The following TENM2 variants were observed in gnomAD, a reference collection of about 807,000 sequenced individuals.
TENM2 encodes the protein teneurin transmembrane protein 2, also known as teneurin-2.
A neutral mutation model predicts 245.2 loss-of-function variants in TENM2; 52 were observed. The observed-to-expected ratio is 0.21, with a 90% CI of 0.17 to 0.27. The LOEUF (loss-of-function observed/expected upper bound fraction) is 0.27, where lower values mean the gene tolerates loss of function less well. Ranked by LOEUF, TENM2 falls within the 10% of genes least tolerant of loss-of-function variation. The probability of loss-of-function intolerance (pLI) is 1.00; values close to 1 mark genes in which losing one functional copy is unlikely to be tolerated. For synonymous variants in TENM2, 1,363 were observed against 1,438.9 expected (o/e 0.95, Z 1.19); for missense variants, 3,046 against 3,666.8 (o/e 0.83, Z 4.37).
chr5:168,115,599 T>C (rs1795025016), intron 9 of TENM2, among the ~76,000 whole-genome samples: 1 of 152,096 alleles, frequency 6.6e-6, no homozygotes, highest in Non-Finnish European at 1.5e-5. Context: ...GCCCATCCAA[T>C]CTATAACCCT....
chr5:166,982,173 T>C, the TENM2 span, among the ~76,000 whole-genome samples: 1 of 152,104 alleles, frequency 6.6e-6, no homozygotes, highest in Non-Finnish European at 1.5e-5. Flanking sequence ...AGAAGGTAAC[T>C]TGGGGTGATG....
chr5:167,562,884 G>A (rs1032331535), intron 2 of TENM2, among the ~76,000 whole-genome samples: 6 of 151,284 alleles, frequency 4.0e-5, no homozygotes, highest in Admixed American at 1.3e-4. Flanking sequence ...TTGAACCTGG[G>A]AGGCGGAGGT....
intron 3 of TENM2, among the ~76,000 whole-genome samples, chr5:167,907,645 A>G (rs1776217626): frequency 1.4e-5 from 2 of 148,110 alleles, no homozygotes; most frequent in African/African-American, 2.5e-5. Flanking sequence ...TCTCATGCCT[A>G]TAGTCCCAAC....
chr5:167,445,280 C>G (rs1765092857), intron 2 of TENM2, among the ~76,000 whole-genome samples: 1 of 144,382 alleles, frequency 6.9e-6, no homozygotes, highest in Non-Finnish European at 1.5e-5. Context: ...AAGATACTTA[C>G]TATATGTCAG....
intron 2 of TENM2, among the ~76,000 whole-genome samples, chr5:167,831,216 CT>C (rs1250177470): frequency 2.0e-5 from 3 of 152,076 alleles, no homozygotes. Flanking sequence ...TGTATACATT[CT>C]TGTGGATGCA....
At chr5:167,709,351 T>C (rs1758751478) in intron 2 of TENM2, among the ~76,000 whole-genome samples, 1 of 152,254 alleles carries the variant, frequency 6.6e-6, no homozygotes, top group Non-Finnish European at 1.5e-5. Flanking sequence ...TTTTTGTATC[T>C]ATCTTATTTG....
chr5:167,777,950 T>C (rs1763926763), intron 2 of TENM2, among the ~76,000 whole-genome samples: 1 of 152,232 alleles, frequency 6.6e-6, no homozygotes, highest in Non-Finnish European at 1.5e-5. Flanking sequence ...CCTGTTTTTG[T>C]AAATAATGTT....
At chr5:167,923,274 G>A (rs1380556628) in intron 3 of TENM2, among the ~76,000 whole-genome samples, 4 of 151,432 alleles carry the variant, frequency 2.6e-5, no homozygotes, top group East Asian at 1.9e-4. Context: ...AGCTGAGATC[G>A]CACCACTGCA....
In TENM2 at chr5:168,218,129, G is replaced by A. The variant is rs78965008; in HGVS notation, c.4238G>A (p.Arg1413His). ...CTGATACCACGTCATCCACAGGTTCGTCTGGAGTGGCCAACAGACCTTGCT... is the reference window on the plus strand; with the variant it reads ...CTGATACCACGTCATCCACAGGTTCATCTGGAGTGGCCAACAGACCTTGCT... The change falls in exon 23 of 29, where the codon CGT becomes CAT. Residue 1413 changes from arginine (R) to histidine (H), a missense_variant. By Grantham distance (29) the Arg-to-His change is conservative. Transcript: ENST00000518659. The surrounding 1 kb of genome is among the most constrained non-coding windows in gnomAD (Gnocchi z 5.2). The A allele has an allele frequency of 8.5e-5, 137 of 1,610,994 alleles. No individual in the cohort carries two copies. The highest frequency in any genetic ancestry group is 3.4e-4 in the South Asian group (31 of 90,962).
intron 1 of TENM2, chr5:167,287,816 C>T (rs1024981260): frequency 2.6e-5 from 4 of 152,256 alleles, no homozygotes; most frequent in African/African-American, 7.2e-5. Flanking sequence ...TATGCTGGAT[C>T]CTCCTGGTGT....
the TENM2 span, among the ~76,000 whole-genome samples, chr5:167,009,300 T>C: frequency 9.2e-5 from 14 of 152,316 alleles, no homozygotes; most frequent in Admixed American, 3.9e-4. Flanking sequence ...CATAGAAGCA[T>C]TCTTTCTTAC....
chr5:167,889,177 A>T (rs1257378431), intron 3 of TENM2, among the ~76,000 whole-genome samples: 1 of 152,170 alleles, frequency 6.6e-6, no homozygotes, highest in East Asian at 1.9e-4. Context: ...CAGTTTCCCC[A>T]TAGAAAATGA....
chr5:167,721,711 G>A lies in TENM2; in HGVS notation c.503-154275G>A, dbSNP rs868050901. ...TCCAAAATATTCTCCCCACCTCAGG[G>A]CTCTTAACCTTAATCACATCTGGAA... On this transcript the variant is annotated intron_variant, in intron 2 of 28. Coordinates refer to ENST00000518659, the Ensembl canonical transcript of TENM2. Among the ~76,000 whole-genome samples the A allele has an allele frequency of 3.9e-5, 6 of 152,090 alleles. No homozygotes were observed. In the South Asian group the frequency reaches 1.2e-3, roughly 31 times the overall value.
intron 2 of TENM2, among the ~76,000 whole-genome samples, chr5:167,699,725 G>A (rs1758016631): frequency 6.6e-6 from 1 of 152,192 alleles, no homozygotes; most frequent in South Asian, 2.1e-4. Flanking sequence ...CAGTGGTTGA[G>A]AGACACAGAC....
At chr5:167,817,105 T>A (rs1044112257) in intron 2 of TENM2, among the ~76,000 whole-genome samples, 6 of 152,184 alleles carry the variant, frequency 3.9e-5, no homozygotes, top group Non-Finnish European at 7.3e-5. Context: ...CATATCATAT[T>A]TTTGTTCAGG....
At chr5:167,654,783 T>G (rs1464474071) in intron 2 of TENM2, among the ~76,000 whole-genome samples, 1 of 152,106 alleles carries the variant, frequency 6.6e-6, no homozygotes, top group Non-Finnish European at 1.5e-5. Flanking sequence ...TCATTTTCAC[T>G]CATTTACTTA....
the TENM2 span, among the ~76,000 whole-genome samples, chr5:167,146,538 A>G: frequency 8.7e-4 from 132 of 152,256 alleles, no homozygotes; most frequent in African/African-American, 3.1e-3. Context: ...ATGAAATGAA[A>G]GACTTGACCT....
intron 2 of TENM2, among the ~76,000 whole-genome samples, chr5:167,750,187 A>G (rs1475945559): frequency 6.6e-6 from 1 of 152,172 alleles, no homozygotes; most frequent in Non-Finnish European, 1.5e-5. Flanking sequence ...TAAAGCCCAC[A>G]GTAGAGGAGC....
intron 2 of TENM2, among the ~76,000 whole-genome samples, chr5:167,467,831 T>C (rs745914509): frequency 7.2e-5 from 11 of 152,198 alleles, no homozygotes; most frequent in Admixed American, 3.9e-4. Context: ...TTATAGTAGA[T>C]TAAGTATTTG....
Sources: gnomAD v4.1 joint callset for allele counts (sites outside exome capture counted in the v4.1 genomes callset) on GRCh38, gnomAD v4.1.1 for gene constraint, Gnocchi (gnomAD v3.1) non-coding constraint, MANE v1.5 for transcripts, NCBI Gene and HGNC (gene_info 2026-07-23, HGNC 2026-07-21) for gene names.